Variants in DNER observed in about 807,000 individuals in gnomAD.
DNER encodes the protein delta/notch like EGF repeat containing.
In DNER, 33 loss-of-function variants were observed where a neutral mutation model predicts 78.2. The ratio of observed to expected loss-of-function variants is 0.42; its 90% CI spans 0.32 to 0.56. The LOEUF is 0.56. Among genes scored for constraint, DNER ranks in the 20% least tolerant of loss-of-function variants. The pLI is 0.11. For synonymous variants in DNER, 417 were observed against 384.8 expected, an observed-to-expected ratio of 1.08 and a Z score of -0.98; for missense variants, 918 against 975.3, an observed-to-expected ratio of 0.94 and a Z score of 0.78.
At chr2:229,562,941 A>G (rs79721217) in intron 4 of DNER, among the ~76,000 whole-genome samples, 3,689 of 147,288 alleles carry the variant, frequency 0.025, 153 homozygotes, top group African/African-American at 0.092. Flanking sequence ...ATCATCATCA[A>G]CATCATCATC....
intron 5 of DNER, among the ~76,000 whole-genome samples, chr2:229,522,992 T>C (rs1003104335): frequency 5.9e-5 from 9 of 152,342 alleles, no homozygotes; most frequent in African/African-American, 1.9e-4. Flanking sequence ...GGGGCTCAGA[T>C]TGAGTCTCAT....
In DNER at chr2:229,666,718, A is replaced by G. The variant is rs1034228306; in HGVS notation, c.276+47430T>C. 1.4e-4 allele frequency among the ~76,000 whole-genome samples: 22 copies of G among 152,206 alleles called. 1 individual carries two copies. Among genetic ancestry groups the G allele is most frequent in the Admixed American group, 7.2e-4 (11 of 15,278 alleles). On this transcript the variant is annotated intron_variant, in intron 1 of 12. Coordinates refer to ENST00000341772, the MANE Select transcript of DNER (RefSeq NM_139072.4). The stretch of plus-strand genomic sequence containing the variant: ...CTAACCCATATCATGATTTCTGACC[A>G]TGACCCTCAATAAAAACTGAGGGCA...
chr2:229,529,525 A>G (rs894437480), intron 5 of DNER, among the ~76,000 whole-genome samples: 1 of 152,164 alleles, frequency 6.6e-6, no homozygotes, highest in African/African-American at 2.4e-5. Flanking sequence ...TTTACTTTCA[A>G]CCCAACATTA....
chr2:229,619,542 T>G (rs1248718289), intron 1 of DNER, among the ~76,000 whole-genome samples: 1 of 152,188 alleles, frequency 6.6e-6, no homozygotes, highest in Non-Finnish European at 1.5e-5. Flanking sequence ...GGCAATGTCC[T>G]AGGGCTTCTG....
intron 1 of DNER, among the ~76,000 whole-genome samples, chr2:229,658,674 G>C (rs1031285028): frequency 4.6e-5 from 7 of 151,854 alleles, no homozygotes; most frequent in Non-Finnish European, 8.8e-5. Context: ...AATAAAAGAT[G>C]TATTTTACTC....
At chr2:229,647,580 T>G (rs571022300) in intron 1 of DNER, among the ~76,000 whole-genome samples, 1 of 152,248 alleles carries the variant, frequency 6.6e-6, no homozygotes, top group Non-Finnish European at 1.5e-5. Context: ...TTCAGAAATG[T>G]GCACAAAGGT....
rs191103320 is a variant in DNER at position 229,404,355 on chromosome 2, G to A, written c.1723+2877C>T. Reference sequence around the variant, plus strand: ...GGCAGAAGGCACCTCTTCACAGGGCGGCAGGAGACAGAATGAGAGCCAGCA... The same window carrying A: ...GGCAGAAGGCACCTCTTCACAGGGCAGCAGGAGACAGAATGAGAGCCAGCA... On this transcript the variant is annotated intron_variant, in intron 10 of 12. Transcript: ENST00000341772. 6.6e-4 allele frequency among the ~76,000 whole-genome samples: 101 copies of A among 152,242 alleles called. 1 individual carries two copies. Among genetic ancestry groups the A allele is most frequent in the Middle Eastern group, 3.4e-3 (1 of 294 alleles).
At chr2:229,666,692 G>A (rs547155243) in intron 1 of DNER, among the ~76,000 whole-genome samples, 124 of 152,280 alleles carry the variant, frequency 8.1e-4, no homozygotes, top group African/African-American at 2.9e-3. Flanking sequence ...TACAGAAAGT[G>A]CTAACCCATA....
chr2:229,469,665 G>A lies in DNER; in HGVS notation c.1261+7475C>T, dbSNP rs573269046. 8.1e-4 allele frequency among the ~76,000 whole-genome samples: 123 copies of A among 152,290 alleles called. 2 individuals carry two copies. The highest frequency in any genetic ancestry group is 2.5e-3 in the African/African-American group (104 of 41,570). On this transcript the variant is annotated intron_variant, in intron 7 of 12. Transcript: ENST00000341772. ...GAATAATAATGTCAAAGTGCTGGCC[G>A]GGCATGGTGGCTCACGCCTGTAATC...
rs115875291 is a variant in DNER, at chr2:229,542,335, C to T, written c.993+4612G>A. On this transcript the variant is annotated intron_variant, in intron 5 of 12. Coordinates refer to ENST00000341772, the MANE Select transcript of DNER (RefSeq NM_139072.4). Reference sequence around the variant, plus strand: ...GAGCTCCTTGCGATGTTGAAGTAAACATTTATAAAGACCTTCCCCCAAATA... The same window carrying T: ...GAGCTCCTTGCGATGTTGAAGTAAATATTTATAAAGACCTTCCCCCAAATA... 3.1e-3 allele frequency among the ~76,000 whole-genome samples: 470 copies of T among 152,214 alleles called. 5 individuals are homozygous for T. Among genetic ancestry groups the T allele is most frequent in the African/African-American group, 0.011 (453 of 41,544 alleles).
At chr2:229,554,677 A>T (rs1487180118) in intron 4 of DNER, among the ~76,000 whole-genome samples, 1 of 152,022 alleles carries the variant, frequency 6.6e-6, no homozygotes, top group Non-Finnish European at 1.5e-5. Flanking sequence ...TGACGGAGTA[A>T]GGCTCTGTCT....
intron 10 of DNER, among the ~76,000 whole-genome samples, chr2:229,405,857 T>G (rs1205542409): frequency 2.0e-5 from 3 of 152,158 alleles, no homozygotes; most frequent in Non-Finnish European, 4.4e-5. Flanking sequence ...CTTCTATGCT[T>G]TTTTTACTCA....
intron 7 of DNER, among the ~76,000 whole-genome samples, chr2:229,472,962 G>A (rs1217335209): frequency 6.6e-6 from 1 of 152,188 alleles, no homozygotes; most frequent in Non-Finnish European, 1.5e-5. Context: ...TGGCTCTCGG[G>A]CTGCCCGATT....
chr2:229,559,405 T>C (rs1696915051), intron 4 of DNER, among the ~76,000 whole-genome samples: 1 of 152,140 alleles, frequency 6.6e-6, no homozygotes, highest in African/African-American at 2.4e-5. Context: ...ATCATCATAC[T>C]AGAAAAATCA....
intron 1 of DNER, among the ~76,000 whole-genome samples, chr2:229,610,841 C>T (rs1698033634): frequency 6.6e-6 from 1 of 152,228 alleles, no homozygotes; most frequent in Non-Finnish European, 1.5e-5. Context: ...CCACAGTTCC[C>T]AAACTGTGTG....
intron 5 of DNER, among the ~76,000 whole-genome samples, chr2:229,515,149 GT>G (rs1411858028): frequency 6.6e-6 from 1 of 152,146 alleles, no homozygotes; most frequent in African/African-American, 2.4e-5. Context: ...GGATCTATCT[GT>G]TTTTTCATCA....
At chr2:229,582,268 G>T (rs1032213566) in intron 4 of DNER, among the ~76,000 whole-genome samples, 2 of 152,192 alleles carry the variant, frequency 1.3e-5, no homozygotes, top group Non-Finnish European at 2.9e-5. Context: ...TGAGCATCAG[G>T]CTTCCGCAAA....
intron 11 of DNER, among the ~76,000 whole-genome samples, chr2:229,386,490 G>C (rs183932725): frequency 4.0e-4 from 61 of 152,182 alleles, no homozygotes; most frequent in Non-Finnish European, 7.2e-4. Context: ...TTAAACTAAG[G>C]AGCTTCTGGA....
chr2:229,625,508 A>G (rs958184539), intron 1 of DNER, among the ~76,000 whole-genome samples: 4 of 152,236 alleles, frequency 2.6e-5, no homozygotes, highest in Non-Finnish European at 5.9e-5. Context: ...ATCAAAGGCC[A>G]GAAAACAAGG....
Sources: allele counts gnomAD v4.1 joint callset (sites outside exome capture counted in the v4.1 genomes callset), GRCh38; gene constraint gnomAD v4.1.1; transcripts MANE v1.5; gene names NCBI Gene and HGNC (gene_info 2026-07-23, HGNC 2026-07-21).